UST: variants seen among roughly 807,000 people sequenced by gnomAD.
UST encodes chondroitin sulfate 2-O-sulfotransferase.
In UST, 21 loss-of-function variants were observed where a neutral mutation model predicts 45.6. That is an observed-to-expected ratio of 0.46 (90% CI 0.33 to 0.66). UST has a LOEUF of 0.66. UST is among the 30% of genes least tolerant of loss of function. UST has a pLI of 0.02. For missense variants in UST, 463 were observed against 512.4 expected, an observed-to-expected ratio of 0.90 and a Z score of 0.93; for synonymous variants, 215 against 200.6, an observed-to-expected ratio of 1.07 and a Z score of -0.61.
At position 148,937,980 on chromosome 6, in the gene UST, G is replaced by C. The variant is rs181173050; in HGVS notation, c.292-3299G>C. Among the ~76,000 whole-genome samples, 61 of 152,262 alleles carry C rather than the reference G, an allele frequency of 4.0e-4. No homozygotes were observed. In the Middle Eastern group the frequency reaches 0.01, roughly 25 times the overall value. ...TTCCTGATCATAACCTTGTAGCCAA[G>C]AATGTAATTTATTTTTCTGAATATC... On this transcript the variant is annotated intron_variant, in intron 2 of 7. Coordinates refer to ENST00000367463, the MANE Select transcript of UST (RefSeq NM_005715.3).
intron 1 of UST, among the ~76,000 whole-genome samples, chr6:148,762,134 C>A (rs1193217424): frequency 6.6e-6 from 1 of 152,180 alleles, no homozygotes; most frequent in Non-Finnish European, 1.5e-5. Flanking sequence ...TTATATTCTT[C>A]ATTCGTGCTG....
At chr6:149,060,393 C>T (rs140711110) in intron 7 of UST, among the ~76,000 whole-genome samples, 14 of 152,322 alleles carry the variant, frequency 9.2e-5, no homozygotes, top group Middle Eastern at 3.4e-3. Context: ...AGCGCTGGCC[C>T]GGCCAGCCCA....
chr6:148,969,050 C>T (rs368975150), intron 5 of UST, among the ~76,000 whole-genome samples: 2 of 152,278 alleles, frequency 1.3e-5, no homozygotes, highest in Admixed American at 6.5e-5. Context: ...GAAAATTGGC[C>T]AGAGTCAGCA....
intron 6 of UST, 21 bp from the exon 7 acceptor site, chr6:149,021,303 T>A (rs1562331644): frequency 6.4e-7 from 1 of 1,571,136 alleles, no homozygotes. Flanking sequence ...TGATTTTAAA[T>A]AAATTTTTAT....
chr6:148,821,812 C>G (rs1393126442), intron 1 of UST, among the ~76,000 whole-genome samples: 1 of 152,130 alleles, frequency 6.6e-6, no homozygotes, highest in Non-Finnish European at 1.5e-5. Flanking sequence ...ATTATTCATT[C>G]ATTTATCTTT....
intron 1 of UST, among the ~76,000 whole-genome samples, chr6:148,787,675 C>CT (rs1337259756): frequency 6.6e-6 from 1 of 152,142 alleles, no homozygotes; most frequent in East Asian, 1.9e-4. Context: ...TATTCAGGCT[C>CT]TTTTTCGGTT....
At chr6:149,044,307 GT>G (rs1776366230) in intron 7 of UST, among the ~76,000 whole-genome samples, 1 of 152,078 alleles carries the variant, frequency 6.6e-6, no homozygotes, top group South Asian at 2.1e-4. Flanking sequence ...AAATGTCAAT[GT>G]TTTTTCATTT....
intron 7 of UST, among the ~76,000 whole-genome samples, chr6:149,065,183 A>G (rs189237191): frequency 1.5e-3 from 225 of 152,308 alleles, no homozygotes; most frequent in African/African-American, 5.2e-3. Context: ...ACTAATAAGT[A>G]TAGATTTTTA....
At chr6:148,864,023 T>G (rs1337929282) in intron 1 of UST, among the ~76,000 whole-genome samples, 5 of 152,206 alleles carry the variant, frequency 3.3e-5, no homozygotes, top group Non-Finnish European at 5.9e-5. Context: ...CACTACTCTC[T>G]TCAAAGCTGT....
intron 1 of UST, among the ~76,000 whole-genome samples, chr6:148,835,609 T>A (rs1440055530): frequency 6.6e-6 from 1 of 152,208 alleles, no homozygotes; most frequent in Non-Finnish European, 1.5e-5. Flanking sequence ...GAGTCTCCAA[T>A]CTGTCATTTG....
At chr6:149,026,474 A>G (rs551506956) in intron 7 of UST, among the ~76,000 whole-genome samples, 2 of 152,282 alleles carry the variant, frequency 1.3e-5, no homozygotes, top group South Asian at 4.2e-4. Flanking sequence ...TTTCTCCTTA[A>G]CTCTTAAAGA....
chr6:149,065,515 G>T (rs1776718353), intron 7 of UST, among the ~76,000 whole-genome samples: 1 of 152,172 alleles, frequency 6.6e-6, no homozygotes, highest in South Asian at 2.1e-4. Context: ...GTTTTCTACA[G>T]GCTCATGAAA....
intron 1 of UST, among the ~76,000 whole-genome samples, chr6:148,767,575 A>G (rs1776345431): frequency 6.7e-6 from 1 of 149,088 alleles, no homozygotes; most frequent in Non-Finnish European, 1.5e-5. Flanking sequence ...CTGACATACA[A>G]ATATTCTAGG....
chr6:148,804,935 A>G (rs1777118523), intron 1 of UST, among the ~76,000 whole-genome samples: 3 of 151,976 alleles, frequency 2.0e-5, no homozygotes, highest in Admixed American at 2.0e-4. Context: ...TTTTTCCAGT[A>G]TATAAACCAT....
chr6:149,042,274 T>C (rs1003577815), intron 7 of UST, among the ~76,000 whole-genome samples: 1 of 152,222 alleles, frequency 6.6e-6, no homozygotes, highest in African/African-American at 2.4e-5. Flanking sequence ...AGAGCTTTTT[T>C]TGTAGGAAGT....
At chr6:148,821,531 T>G (rs978641672) in intron 1 of UST, among the ~76,000 whole-genome samples, 1 of 152,246 alleles carries the variant, frequency 6.6e-6, no homozygotes, top group African/African-American at 2.4e-5. Flanking sequence ...TAAATTCAAG[T>G]AACAAGTATT....
At chr6:149,057,776 T>G (rs1460039737) in intron 7 of UST, among the ~76,000 whole-genome samples, 2 of 152,142 alleles carry the variant, frequency 1.3e-5, no homozygotes, top group Non-Finnish European at 2.9e-5. Context: ...TAAAACTAAA[T>G]AAACAATATA....
intron 1 of UST, among the ~76,000 whole-genome samples, chr6:148,858,622 T>C (rs1778249370): frequency 6.6e-6 from 1 of 152,138 alleles, no homozygotes; most frequent in African/African-American, 2.4e-5. Flanking sequence ...ACATTAGGTA[T>C]ATCTCCTAAT....
At chr6:148,766,138 A>G (rs780329110) in intron 1 of UST, among the ~76,000 whole-genome samples, 3 of 152,094 alleles carry the variant, frequency 2.0e-5, no homozygotes, top group Non-Finnish European at 4.4e-5. Flanking sequence ...ATATCTTCAT[A>G]CTTCATTTGT....
Sources: gnomAD v4.1 joint callset for allele counts (sites outside exome capture counted in the v4.1 genomes callset) on GRCh38, gnomAD v4.1.1 for gene constraint, MANE v1.5 for transcripts, NCBI Gene and HGNC (gene_info 2026-07-23, HGNC 2026-07-21) for gene names.